Variants in LPAR1 observed in about 807,000 individuals in gnomAD.
LPAR1 encodes LPA receptor 1.
Under a neutral mutation model 23.8 loss-of-function variants are expected in LPAR1, and 5 were observed. That is an observed-to-expected ratio of 0.21 (90% confidence interval 0.11 to 0.44). The LOEUF (loss-of-function observed/expected upper bound fraction) is 0.44. Among genes scored for constraint, LPAR1 ranks in the 20% least tolerant of loss-of-function variants. The probability of loss-of-function intolerance (pLI) is 0.99; values close to 1 mark genes in which losing one functional copy is unlikely to be tolerated. For missense variants in LPAR1, 311 were observed against 482.8 expected, an observed-to-expected ratio of 0.64 and a Z score of 3.33; for synonymous variants, 160 against 164.7, an observed-to-expected ratio of 0.97 and a Z score of 0.22.
chr9:110,969,528 A>G (rs992213921), intron 4 of LPAR1, among the ~76,000 whole-genome samples: 1 of 152,062 alleles, frequency 6.6e-6, no homozygotes. Flanking sequence ...CCTGGACAAC[A>G]TGGTGAAACC....
intron 1 of LPAR1, among the ~76,000 whole-genome samples, chr9:111,037,304 C>A (rs559018754): frequency 5.3e-4 from 81 of 152,302 alleles, no homozygotes; most frequent in African/African-American, 1.9e-3. Flanking sequence ...CCAGCACCCA[C>A]ATTTATGAAA....
chr9:110,906,910 T>G (rs555172929), intron 5 of LPAR1, among the ~76,000 whole-genome samples: 6 of 141,076 alleles, frequency 4.3e-5, no homozygotes, highest in Non-Finnish European at 9.7e-5. Flanking sequence ...TTCTAAAAAT[T>G]ATGATATAAA....
chr9:111,000,052 G>A (rs1403869864), intron 2 of LPAR1, among the ~76,000 whole-genome samples: 2 of 152,072 alleles, frequency 1.3e-5, no homozygotes, highest in African/African-American at 4.8e-5. Context: ...CATTCATGAG[G>A]GCGGAGCCCT....
At chr9:110,918,313 T>A (rs2093361312) in intron 5 of LPAR1, among the ~76,000 whole-genome samples, 3 of 152,140 alleles carry the variant, frequency 2.0e-5, no homozygotes, top group African/African-American at 7.2e-5. Context: ...CTATTGGACA[T>A]AAGAACCACC....
intron 2 of LPAR1, among the ~76,000 whole-genome samples, chr9:111,027,276 G>A (rs1211191994): frequency 6.6e-6 from 1 of 152,052 alleles, no homozygotes; most frequent in Non-Finnish European, 1.5e-5. Context: ...GGAAGTCAAG[G>A]TGAGAGTTCA....
chr9:111,024,561 C>T (rs992111077), intron 2 of LPAR1, among the ~76,000 whole-genome samples: 3 of 36,492 alleles, frequency 8.2e-5, no homozygotes, highest in Non-Finnish European at 2.1e-4. Context: ...TATACACACA[C>T]ATATATATAC....
chr9:110,960,083 G>A (rs1019437215), intron 4 of LPAR1, among the ~76,000 whole-genome samples: 3 of 152,120 alleles, frequency 2.0e-5, no homozygotes, highest in South Asian at 2.1e-4. Context: ...TCTAACATTC[G>A]ATAGCAGAGT....
chr9:110,921,112 T>G (rs954037721), intron 5 of LPAR1, among the ~76,000 whole-genome samples: 1 of 151,988 alleles, frequency 6.6e-6, no homozygotes, highest in Non-Finnish European at 1.5e-5. Context: ...CCAGCCTGTG[T>G]GACAGAGCAA....
intron 5 of LPAR1, among the ~76,000 whole-genome samples, chr9:110,900,843 C>T (rs577332974): frequency 1.3e-4 from 20 of 152,258 alleles, no homozygotes; most frequent in African/African-American, 4.8e-4. Context: ...GCTACTTGAA[C>T]CCTCATCCAA....
chr9:111,024,805 G>T (rs1306996450), intron 2 of LPAR1, among the ~76,000 whole-genome samples: 1 of 151,862 alleles, frequency 6.6e-6, no homozygotes, highest in Admixed American at 6.6e-5. Context: ...GCAGTGTTAG[G>T]TTTTCTGTTC....
intron 2 of LPAR1, among the ~76,000 whole-genome samples, chr9:111,022,779 G>A (rs563099902): frequency 2.0e-4 from 31 of 151,930 alleles, no homozygotes; most frequent in Non-Finnish European, 2.9e-4. Flanking sequence ...TGCCGGGCGC[G>A]GTGGCTCAAG....
At chr9:110,987,040 G>T (rs1056769206) in intron 2 of LPAR1, among the ~76,000 whole-genome samples, 2 of 152,078 alleles carry the variant, frequency 1.3e-5, no homozygotes, top group Non-Finnish European at 2.9e-5. Context: ...TTAGGGAAAT[G>T]TGTGTATATG....
At chr9:110,881,578 C>T (rs2080849574) in intron 5 of LPAR1, among the ~76,000 whole-genome samples, 1 of 152,168 alleles carries the variant, frequency 6.6e-6, no homozygotes, top group South Asian at 2.1e-4. Flanking sequence ...CATCCTGCAA[C>T]TGTACCTTGG....
chr9:111,025,021 T>C (rs143097163), intron 2 of LPAR1, among the ~76,000 whole-genome samples: 7,535 of 152,298 alleles, frequency 0.049, 302 homozygotes, highest in African/African-American at 0.11. Context: ...CGTGTGCATG[T>C]GTCTTTATAG....
chr9:110,921,508 C>T (rs572630306), intron 5 of LPAR1, among the ~76,000 whole-genome samples: 18 of 152,258 alleles, frequency 1.2e-4, no homozygotes, highest in Admixed American at 5.9e-4. Flanking sequence ...ATTTGATTCT[C>T]ACATGAAGGA....
chr9:110,875,547 C>A lies in LPAR1; in HGVS notation c.969G>T (p.Arg323Ser). 1 of 1,614,020 alleles carries A rather than the reference C, an allele frequency of 6.2e-7. No homozygotes were observed. The highest frequency in any genetic ancestry group is 8.5e-7 in the Non-Finnish European group (1 of 1,179,984). Residue 323 changes from arginine (R) to serine (S), a missense_variant, in exon 6 of 6, where the codon AGG (arginine) becomes AGT (serine). Transcript: ENST00000683809. ...CACTGCGCTGGCAGCAGAGGATCTGCCTAAAGGTGGCGCTCATTTCTTTGT... is the reference window on the plus strand; with the variant it reads ...CACTGCGCTGGCAGCAGAGGATCTGACTAAAGGTGGCGCTCATTTCTTTGT... ...YRDKEMSATFRQILCCQRSEN... is the reference protein window; with the variant it reads ...YRDKEMSATFSQILCCQRSEN...
Position 110,926,401 on chromosome 9 carries a change from T to C in LPAR1, c.793+15020A>G, listed in dbSNP as rs192174043. On this transcript the variant is annotated intron_variant, in intron 5 of 5. Coordinates refer to ENST00000683809, the MANE Select transcript of LPAR1 (RefSeq NM_001351411.2). ...TATTAGGTTAATGCAAAAATAAATA[T>C]ACATTGTTGCTCCATCCTCATTCTT... Among the ~76,000 whole-genome samples the C allele has an allele frequency of 1.2e-3, 176 of 152,340 alleles. 1 individual carries two copies. The Middle Eastern group carries it at 0.014, about 12-fold the overall frequency.
At chr9:111,023,505 T>C (rs1028228410) in intron 2 of LPAR1, among the ~76,000 whole-genome samples, 1 of 152,118 alleles carries the variant, frequency 6.6e-6, no homozygotes, top group Non-Finnish European at 1.5e-5. Context: ...AGAGTATTTA[T>C]ACATTTGGAT....
At chr9:110,915,211 T>G (rs948499954) in intron 5 of LPAR1, among the ~76,000 whole-genome samples, 1 of 152,224 alleles carries the variant, frequency 6.6e-6, no homozygotes, top group African/African-American at 2.4e-5. Context: ...ATGATGAGAA[T>G]AAGAAGTACA....
Sources: gnomAD v4.1 joint callset for allele counts (sites outside exome capture counted in the v4.1 genomes callset) on GRCh38, gnomAD v4.1.1 for gene constraint, MANE v1.5 for transcripts, NCBI Gene and HGNC (gene_info 2026-07-23, HGNC 2026-07-21) for gene names.